Variants in FOXF1 observed in about 807,000 individuals in gnomAD.
FOXF1 encodes the protein forkhead box F1, also known as forkhead box protein F1.
FOXF1 carries 9 observed loss-of-function variants against 26.6 expected under a neutral mutation model. That is an observed-to-expected ratio of 0.34 (90% CI 0.20 to 0.59). The LOEUF is 0.59. FOXF1 is among the 20% of genes least tolerant of loss of function. The pLI is 0.83. For synonymous variants in FOXF1, 330 were observed against 257.7 expected (o/e 1.28, Z -2.69); for missense variants, 499 against 549.9 (o/e 0.91, Z 0.93).
Position 86,514,538 on chromosome 16 carries a change from G to A in FOXF1, c.*1453G>A, listed in dbSNP as rs771874281. 6.6e-6 allele frequency: 1 copy of A among 152,100 alleles called. No homozygotes were observed. Among genetic ancestry groups the A allele is most frequent in the Non-Finnish European group, 1.5e-5 (1 of 68,024 alleles). The allele number at this position is 152,100 out of a possible 1,614,324, so 9.4% of individuals were successfully genotyped here. ...GGGAAAAAAGAAAAAACAGGCTTTG[G>A]ATCTCTAGACGCTTAAAAATTTACA... On this transcript the variant is annotated 3_prime_UTR_variant, in exon 2 of 2. Transcript: ENST00000262426.
chr16:86,511,344 C>A lies in FOXF1; in HGVS notation c.775C>A (p.Pro259Thr). ...LPTGAGGVME[P>T]HAVYSGSAAA... is the part of the protein sequence containing the mutation. ...CACCGGCGCCGGTGGGGTCATGGAGCCGCACGCCGTCTACTCGGGCTCGGC... is the reference window on the plus strand; with the variant it reads ...CACCGGCGCCGGTGGGGTCATGGAGACGCACGCCGTCTACTCGGGCTCGGC... The change falls in exon 1 of 2, where the codon CCG (proline) becomes ACG (threonine). Residue 259 changes from proline (P) to threonine (T), a missense_variant. Around this residue, in one of 5 missense-constraint regions of FOXF1, gnomAD observed 367 missense variants for 324.8 expected, o/e 1.13. Coordinates refer to ENST00000262426, the MANE Select transcript of FOXF1 (RefSeq NM_001451.3). 1 of 1,542,352 alleles carries A rather than the reference C, an allele frequency of 6.5e-7. No homozygotes were observed. The highest frequency in any genetic ancestry group is 1.4e-5 in the African/African-American group (1 of 73,006).
At position 86,513,179 on chromosome 16, in the gene FOXF1, C is replaced by G; in HGVS notation, c.*94C>G. 1 of 1,393,868 alleles carries G rather than the reference C, an allele frequency of 7.2e-7. No individual in the cohort carries two copies. The highest frequency in any genetic ancestry group is 9.9e-7 in the Non-Finnish European group (1 of 1,009,914). The allele number at this position is 1,393,868 out of a possible 1,614,324, so 86.3% of individuals were successfully genotyped here. On this transcript the variant is annotated 3_prime_UTR_variant, in exon 2 of 2. Coordinates refer to ENST00000262426, the MANE Select transcript of FOXF1 (RefSeq NM_001451.3). ...TGCTTTCTTCTCGAGGTATAACCGT[C>G]GGCAGAAGAAAAGGGTTCCACCTCT...
chr16:86,510,710 G>A lies in FOXF1; in HGVS notation c.141G>A (p.Glu47=), dbSNP rs781241288. The change falls in exon 1 of 2, where the codon GAG becomes GAA. Residue 47 remains glutamate, a synonymous_variant. Transcript: ENST00000262426. ...KKTNAGIRRP[E]KPPYSYIALI... ...CCAACGCCGGCATCCGGCGCCCGGA[G>A]AAGCCGCCCTATTCCTACATCGCGC... 3.1e-6 allele frequency: 5 copies of A among 1,613,328 alleles called. No homozygotes were observed. The highest frequency in any genetic ancestry group is 1.7e-5 in the Admixed American group (1 of 60,006).
chr16:86,512,892 TC>T, intron 1 of FOXF1, 32 bp from the exon 2 acceptor site: 1 of 1,613,034 alleles, frequency 6.2e-7, no homozygotes. Flanking sequence ...ACTCTTCTGC[TC>T]CCCCAACCCC....
Position 86,513,412 on chromosome 16 carries a change from A to G in FOXF1, c.*327A>G. ...GGAAAGCCCCCGCACCCACACAGGA[A>G]TTCTGCTGAGGTCCCCCCTCCTTCC... On this transcript the variant is annotated 3_prime_UTR_variant, in exon 2 of 2. Transcript: ENST00000262426. The G allele has an allele frequency of 2.9e-6, 1 of 349,914 alleles. No homozygotes were observed. Among genetic ancestry groups the G allele is most frequent in the Non-Finnish European group, 5.3e-6 (1 of 190,374 alleles). 21.7% of individuals were successfully genotyped at this position (349,914 alleles called of 1,614,324 possible). A position where few individuals can be genotyped will look rare whatever the true frequency, so the allele number is the denominator to read the frequency against.
Position 86,513,876 on chromosome 16 carries a change from G to C in FOXF1, c.*791G>C, listed in dbSNP as rs1597293070. ...AATTTTATTTAGACTTTTTCAGTGG[G>C]TATTTTTCTGTCTCCCAACCTCTAC... On this transcript the variant is annotated 3_prime_UTR_variant, in exon 2 of 2. Transcript: ENST00000262426. 6.6e-6 allele frequency: 1 copy of C among 152,208 alleles called. No homozygotes were observed. Among genetic ancestry groups the C allele is most frequent in the South Asian group, 2.1e-4 (1 of 4,836 alleles). The allele number at this position is 152,208 out of a possible 1,614,324, so 9.4% of individuals were successfully genotyped here.
rs767200184 is a variant in FOXF1, at chr16:86,511,388, G to T, written c.819G>T (p.Ser273=). 1.5e-5 allele frequency: 23 copies of T among 1,585,794 alleles called. No individual in the cohort carries two copies. In the African/African-American group the frequency reaches 3.0e-4, roughly 20 times the overall value. ...YSGSAAAWPP[S]ASAALNSGAS... Reference sequence around the variant, plus strand: ...GCTCGGCGGCGGCCTGGCCGCCCTCGGCGTCCGCGGCGCTCAACAGCGGCG... The same window carrying T: ...GCTCGGCGGCGGCCTGGCCGCCCTCTGCGTCCGCGGCGCTCAACAGCGGCG... The change falls in exon 1 of 2, where the codon TCG becomes TCT. Residue 273 remains serine (S), a synonymous_variant. Transcript: ENST00000262426.
intron 1 of FOXF1, among the ~76,000 whole-genome samples, chr16:86,512,007 GCCCA>G (rs1166486686): frequency 6.6e-6 from 1 of 152,202 alleles, no homozygotes. Context: ...AAGGTGTTAG[GCCCA>G]AAGCCGCTGG....
At chr16:86,511,648 C>A (rs747022501) in intron 1 of FOXF1, 100 bp downstream of exon 1, 3 of 1,513,782 alleles carry the variant, frequency 2.0e-6, no homozygotes, top group Middle Eastern at 2.1e-4. Flanking sequence ...GTGGTCGGAA[C>A]CCCAAGGCTG....
rs904576692 is a variant in FOXF1 at position 86,511,301 on chromosome 16, C to T, written c.732C>T (p.Pro244=). 1.3e-6 allele frequency: 2 copies of T among 1,521,544 alleles called. No homozygotes were observed. Among genetic ancestry groups the T allele is most frequent in the African/African-American group, 1.4e-5 (1 of 71,722 alleles). The allele number at this position is 1,521,544 out of a possible 1,614,324, so 94.3% of individuals were successfully genotyped here. A position where few individuals can be genotyped will look rare whatever the true frequency, so the allele number is the denominator to read the frequency against. ...ACCCGCACCACGACAGCTCGGTGCCCGCCTCCCCGCTGCTGCCCACCGGCG... is the reference window on the plus strand; with the variant it reads ...ACCCGCACCACGACAGCTCGGTGCCTGCCTCCCCGCTGCTGCCCACCGGCG... ...GEYPHHDSSV[P]ASPLLPTGAG... The change falls in exon 1 of 2, where the codon CCC becomes CCT. Residue 244 remains proline (P), a synonymous_variant. Coordinates refer to ENST00000262426, the MANE Select transcript of FOXF1 (RefSeq NM_001451.3).
intron 1 of FOXF1, among the ~76,000 whole-genome samples, chr16:86,512,469 C>T (rs984061374): frequency 3.9e-5 from 6 of 152,246 alleles, no homozygotes; most frequent in African/African-American, 1.4e-4. Flanking sequence ...TCTGGAGAAG[C>T]TTCTTCTCAC....
chr16:86,512,878 G>A (rs1245455040), intron 1 of FOXF1, 47 bp from the exon 2 acceptor site: 2 of 1,611,328 alleles, frequency 1.2e-6, no homozygotes, highest in Non-Finnish European at 1.7e-6. Context: ...AGCCACCGTG[G>A]CTAACTCTTC....
intron 1 of FOXF1, 79 bp from the exon 2 acceptor site, chr16:86,512,846 C>T (rs1198867929): frequency 5.1e-6 from 8 of 1,561,986 alleles, no homozygotes; most frequent in South Asian, 3.3e-5. Context: ...CACGGGAGCA[C>T]TGCTCCTCTG....
At position 86,510,604 on chromosome 16, in the gene FOXF1, ACGGCGGCGG is replaced by A. The variant is rs574179816; in HGVS notation, c.51_59del (p.Gly21_Gly23del). The stretch of plus-strand genomic sequence containing the variant: ...GCGCCCGAGAAGCAGCAGCCACCGC[ACGGCGGCGG>A]CGGCGGCGGCGGCGGGGGAGGCGGC... On this transcript the variant is annotated inframe_deletion, in exon 1 of 2. Coordinates refer to ENST00000262426, the MANE Select transcript of FOXF1 (RefSeq NM_001451.3). 86 of 1,379,096 alleles carry A rather than the reference ACGGCGGCGG, an allele frequency of 6.2e-5. 1 individual carries two copies. Among genetic ancestry groups the A allele is most frequent in the Middle Eastern group, 4.9e-4 (2 of 4,056 alleles). The allele number at this position is 1,379,096 out of a possible 1,614,324, so 85.4% of individuals were successfully genotyped here.
chr16:86,513,179 C>A lies in FOXF1; in HGVS notation c.*94C>A, dbSNP rs1272628550. The A allele has an allele frequency of 2.2e-6, 3 of 1,393,748 alleles. No homozygotes were observed. The highest frequency in any genetic ancestry group is 1.4e-5 in the African/African-American group (1 of 70,330). The allele number at this position is 1,393,748 out of a possible 1,614,324, so 86.3% of individuals were successfully genotyped here. On this transcript the variant is annotated 3_prime_UTR_variant, in exon 2 of 2. Transcript: ENST00000262426. The stretch of plus-strand genomic sequence containing the variant: ...TGCTTTCTTCTCGAGGTATAACCGT[C>A]GGCAGAAGAAAAGGGTTCCACCTCT...
chr16:86,514,836 T>G lies in FOXF1; in HGVS notation c.*1751T>G, dbSNP rs1969623012. The stretch of plus-strand genomic sequence containing the variant: ...ACATATATATGTATATACATATATG[T>G]ACATATATGTATACGTGTCCATGTA... On this transcript the variant is annotated 3_prime_UTR_variant, in exon 2 of 2. Coordinates refer to ENST00000262426, the MANE Select transcript of FOXF1 (RefSeq NM_001451.3). The G allele has an allele frequency of 6.6e-6, 1 of 152,174 alleles. No homozygotes were observed. Among genetic ancestry groups the G allele is most frequent in the Non-Finnish European group, 1.5e-5 (1 of 68,032 alleles). The allele number at this position is 152,174 out of a possible 1,614,324, so 9.4% of individuals were successfully genotyped here. A position where few individuals can be genotyped will look rare whatever the true frequency, so the allele number is the denominator to read the frequency against.
chr16:86,511,695 C>T, intron 1 of FOXF1, 147 bp downstream of exon 1: 3 of 1,120,834 alleles, frequency 2.7e-6, no homozygotes, highest in South Asian at 1.4e-5. Flanking sequence ...TCTCTTGGCC[C>T]CACCTCTCCC....
In FOXF1 at chr16:86,513,097, C is replaced by T; in HGVS notation, c.*12C>T. On this transcript the variant is annotated 3_prime_UTR_variant, in exon 2 of 2. Coordinates refer to ENST00000262426, the MANE Select transcript of FOXF1 (RefSeq NM_001451.3). Reference sequence around the variant, plus strand: ...CTTGCGTGATGTGAGGCTGCCGCCGCAGGCCCTCCTGGTGCAGGCAGGCGG... The same window carrying T: ...CTTGCGTGATGTGAGGCTGCCGCCGTAGGCCCTCCTGGTGCAGGCAGGCGG... 1 of 1,609,626 alleles carries T rather than the reference C, an allele frequency of 6.2e-7. No individual in the cohort carries two copies. Among genetic ancestry groups the T allele is most frequent in the Non-Finnish European group, 8.5e-7 (1 of 1,179,910 alleles).
intron 1 of FOXF1, among the ~76,000 whole-genome samples, chr16:86,511,752 GTTTCTC>G (rs1407384660): frequency 6.6e-6 from 1 of 152,212 alleles, no homozygotes; most frequent in Non-Finnish European, 1.5e-5. Flanking sequence ...GGGCCAATCT[GTTTCTC>G]TTTCTGTTCG....
Sources: allele counts gnomAD v4.1 joint callset (sites outside exome capture counted in the v4.1 genomes callset), GRCh38; gene constraint gnomAD v4.1.1; regional missense constraint gnomAD v4.1.1; transcripts MANE v1.5; gene names NCBI Gene and HGNC (gene_info 2026-07-23, HGNC 2026-07-21).